Variants in LMBRD2 observed in about 807,000 individuals in gnomAD.
LMBRD2 encodes the protein G protein-coupled receptor-associated protein LMBRD2.
LMBRD2 carries 55 observed loss-of-function variants against 94.4 expected under a neutral mutation model. The ratio of observed to expected loss-of-function variants is 0.58; its 90% CI spans 0.47 to 0.73. The LOEUF is 0.73. Among genes scored for constraint, LMBRD2 ranks in the 30% least tolerant of loss-of-function variants. The pLI, the probability that LMBRD2 is intolerant of heterozygous loss-of-function variation, is 0.00. For missense variants in LMBRD2, 640 were observed against 831.9 expected, an observed-to-expected ratio of 0.77 and a Z score of 2.84; for synonymous variants, 246 against 272.4, an observed-to-expected ratio of 0.90 and a Z score of 0.95.
At chr5:36,145,446 G>A (rs552078221) in intron 1 of LMBRD2, among the ~76,000 whole-genome samples, 2 of 152,178 alleles carry the variant, frequency 1.3e-5, no homozygotes, top group East Asian at 1.9e-4. Flanking sequence ...GGCTGGTCTC[G>A]AACTCCTGAG....
intron 4 of LMBRD2, among the ~76,000 whole-genome samples, chr5:36,138,691 G>A (rs570180671): frequency 2.8e-4 from 42 of 152,282 alleles, no homozygotes; most frequent in African/African-American, 7.0e-4. Flanking sequence ...TTTTCGGTAC[G>A]AACTTATGCT....
At chr5:36,136,818 T>A (rs1306996755) in intron 5 of LMBRD2, among the ~76,000 whole-genome samples, 1 of 152,168 alleles carries the variant, frequency 6.6e-6, no homozygotes, top group African/African-American at 2.4e-5. Flanking sequence ...ATTCCTAAAT[T>A]TTCAGATGTA....
At chr5:36,105,266 G>T in intron 16 of LMBRD2, 69 bp from the exon 17 acceptor site, 1 of 1,388,652 alleles carries the variant, frequency 7.2e-7, no homozygotes, top group Non-Finnish European at 9.8e-7. Flanking sequence ...AGTCTATGGA[G>T]GTACAGAAAG....
In LMBRD2 at chr5:36,102,878, G is replaced by A. The variant is rs1743375055; in HGVS notation, c.*1168C>T. ...ATGTAGCATGGATTCAGTAAGAGTT[G>A]CAAATATTCTAGGGACATAAGAAAA... On this transcript the variant is annotated 3_prime_UTR_variant, in exon 18 of 18. Coordinates refer to ENST00000296603, the MANE Select transcript of LMBRD2 (RefSeq NM_001007527.2). The A allele has an allele frequency of 6.6e-6, 1 of 151,640 alleles. No individual in the cohort carries two copies. Among genetic ancestry groups the A allele is most frequent in the African/African-American group, 2.4e-5 (1 of 41,366 alleles). 9.4% of individuals were successfully genotyped at this position (151,640 alleles called of 1,614,324 possible).
At chr5:36,139,091 C>T (rs895852120) in intron 4 of LMBRD2, among the ~76,000 whole-genome samples, 37 of 152,226 alleles carry the variant, frequency 2.4e-4, no homozygotes, top group African/African-American at 8.9e-4. Flanking sequence ...CCAGCTGTGG[C>T]TGTGGACCCA....
At chr5:36,117,681 A>T in intron 10 of LMBRD2, 54 bp downstream of exon 10, 1 of 1,216,796 alleles carries the variant, frequency 8.2e-7, no homozygotes, top group Non-Finnish European at 1.1e-6. Flanking sequence ...GAAAATAGTT[A>T]AGGATTATAC....
chr5:36,135,252 A>T (rs1478450540), intron 6 of LMBRD2, among the ~76,000 whole-genome samples: 1 of 152,174 alleles, frequency 6.6e-6, no homozygotes, highest in Non-Finnish European at 1.5e-5. Context: ...CATATTCTTC[A>T]TTTATAGAAT....
At chr5:36,150,817 C>T (rs1355976577) in intron 1 of LMBRD2, among the ~76,000 whole-genome samples, 4 of 152,156 alleles carry the variant, frequency 2.6e-5, no homozygotes, top group Admixed American at 2.6e-4. Context: ...ACTTTTCAAG[C>T]TAAGGACCAA....
At chr5:36,141,669 C>T (rs368652335) in intron 3 of LMBRD2, among the ~76,000 whole-genome samples, 17 of 151,436 alleles carry the variant, frequency 1.1e-4, no homozygotes, top group African/African-American at 3.9e-4. Context: ...AATTAAATCA[C>T]TCACTATAAC....
intron 15 of LMBRD2, among the ~76,000 whole-genome samples, chr5:36,108,867 G>A (rs1259274599): frequency 6.6e-6 from 1 of 151,954 alleles, no homozygotes; most frequent in Non-Finnish European, 1.5e-5. Context: ...AGATATTTTT[G>A]CTAACTTTGG....
chr5:36,117,587 T>C (rs376087756), intron 10 of LMBRD2, 148 bp downstream of exon 10: 2 of 520,156 alleles, frequency 3.8e-6, no homozygotes, highest in African/African-American at 3.9e-5. Context: ...GTGGGTAAAA[T>C]AATGAAGCAC....
At chr5:36,127,146 C>T (rs1232967268) in intron 6 of LMBRD2, among the ~76,000 whole-genome samples, 1 of 152,208 alleles carries the variant, frequency 6.6e-6, no homozygotes, top group African/African-American at 2.4e-5. Context: ...AATTTCTATT[C>T]TGGCCAGTTC....
At chr5:36,127,526 T>A (rs567387404) in intron 6 of LMBRD2, among the ~76,000 whole-genome samples, 2 of 152,276 alleles carry the variant, frequency 1.3e-5, no homozygotes, top group South Asian at 4.1e-4. Context: ...CTGGGTCACA[T>A]GGGAGTCCAG....
intron 1 of LMBRD2, among the ~76,000 whole-genome samples, chr5:36,145,629 T>TA (rs1744519881): frequency 1.3e-5 from 2 of 152,284 alleles, no homozygotes; most frequent in Admixed American, 1.3e-4. Flanking sequence ...TTTTTTTCTT[T>TA]AAAAAAACCC....
intron 1 of LMBRD2, among the ~76,000 whole-genome samples, chr5:36,145,175 T>C (rs1381613924): frequency 6.6e-6 from 1 of 152,214 alleles, no homozygotes; most frequent in African/African-American, 2.4e-5. Context: ...TCAAGAAATA[T>C]TTGTTGAAAT....
Position 36,122,870 on chromosome 5 carries a change from C to T in LMBRD2, c.914G>A (p.Ser305Asn), listed in dbSNP as rs762410355. The stretch of plus-strand genomic sequence containing the variant: ...TACCTGTTTATGCAGTTTTACCAGA[C>T]TTTTTTCACTTGGATAGATACTATG... ...EKHSIYPSEK[S>N]LVKLHKQVIY... Residue 305 changes from serine (S) to asparagine (N), a missense_variant, in exon 8 of 18, where the codon AGT becomes AAT. Around this residue, in one of 2 missense-constraint regions of LMBRD2, gnomAD observed 457 missense variants for 642.8 expected, o/e 0.71. Transcript: ENST00000296603. 4.4e-6 allele frequency: 7 copies of T among 1,593,770 alleles called. No homozygotes were observed. Among genetic ancestry groups the T allele is most frequent in the Non-Finnish European group, 6.0e-6 (7 of 1,173,968 alleles).
intron 17 of LMBRD2, among the ~76,000 whole-genome samples, chr5:36,104,832 G>A (rs958686035): frequency 1.3e-5 from 2 of 151,914 alleles, no homozygotes; most frequent in Non-Finnish European, 2.9e-5. Flanking sequence ...CACTAGTATT[G>A]TATGAAGATA....
intron 2 of LMBRD2, 40 bp from the exon 3 acceptor site, chr5:36,142,639 A>G: frequency 8.7e-7 from 1 of 1,143,564 alleles, no homozygotes; most frequent in Non-Finnish European, 1.3e-6. Context: ...GAGAATCAAA[A>G]GGTTACCAAG....
rs1188087128 is a variant in LMBRD2 at position 36,101,516 on chromosome 5, A to G, written c.*2530T>C. 6.6e-6 allele frequency: 1 copy of G among 151,986 alleles called. No homozygotes were observed. The highest frequency in any genetic ancestry group is 6.6e-5 in the Admixed American group (1 of 15,224). 9.4% of individuals were successfully genotyped at this position (151,986 alleles called of 1,614,324 possible). On this transcript the variant is annotated 3_prime_UTR_variant, in exon 18 of 18. Coordinates refer to ENST00000296603, the MANE Select transcript of LMBRD2 (RefSeq NM_001007527.2). ...GTCCTATTTTGCAGTAGATGTCATT[A>G]TATTTCAATAAGCTTCTCAAAAGAG... is the stretch of plus-strand genomic sequence containing the variant.
Sources: allele counts gnomAD v4.1 joint callset (sites outside exome capture counted in the v4.1 genomes callset), GRCh38; gene constraint gnomAD v4.1.1; regional missense constraint gnomAD v4.1.1; transcripts MANE v1.5; gene names NCBI Gene and HGNC (gene_info 2026-07-23, HGNC 2026-07-21).